P2RX1: variants seen among roughly 807,000 people sequenced by gnomAD.
The protein encoded by P2RX1 is P2X purinoceptor 1.
In P2RX1, 42 loss-of-function variants were observed where a neutral mutation model predicts 50.3. That is an observed-to-expected ratio of 0.83 (90% CI 0.65 to 1.08). The LOEUF is 1.08. Among genes scored for constraint, P2RX1 ranks in the 50% least tolerant of loss-of-function variants. P2RX1 has a pLI of 0.00. For synonymous variants in P2RX1, 199 were observed against 202.6 expected, an observed-to-expected ratio of 0.98 and a Z score of 0.15; for missense variants, 449 against 529.0, an observed-to-expected ratio of 0.85 and a Z score of 1.48.
rs1038669042 is a variant in P2RX1 at position 3,914,375 on chromosome 17, G to A, written c.137+1714C>T. 6.6e-6 allele frequency among the ~76,000 whole-genome samples: 1 copy of A among 152,078 alleles called. No homozygotes were observed. The highest frequency in any genetic ancestry group is 1.9e-4 in the East Asian group (1 of 5,190). On this transcript the variant is annotated intron_variant, in intron 1 of 11. Transcript: ENST00000225538. This position sits in a 1 kb window ranked among gnomAD's most constrained non-coding sequence, Gnocchi z 4.1. ...GACGGTAGTGAGGTCCCCGTCACTG[G>A]AGGTATAGGTTCCCGGCTGGGCAGC...
chr17:3,914,014 C>T lies in P2RX1; in HGVS notation c.137+2075G>A, dbSNP rs186378493. Among the ~76,000 whole-genome samples the T allele has an allele frequency of 5.6e-4, 85 of 152,202 alleles. No individual in the cohort carries two copies. Among genetic ancestry groups the T allele is most frequent in the Non-Finnish European group, 6.6e-4 (45 of 68,004 alleles). The stretch of plus-strand genomic sequence containing the variant: ...AGTGCAGTACTGAGCAGTGGCCAGA[C>T]GAGGGCGCAAGAGACAGCAGGCACC... On this transcript the variant is annotated intron_variant, in intron 1 of 11. Transcript: ENST00000225538. This position sits in a 1 kb window ranked among gnomAD's most constrained non-coding sequence, Gnocchi z 4.1.
Position 3,904,332 on chromosome 17 carries a change from T to TGGGCCTTGC in P2RX1, c.424_425insGCAAGGCCC (p.Arg139_Ala141dup). On this transcript the variant is annotated inframe_insertion, in exon 4 of 12. Transcript: ENST00000225538. ...GGACAGGAGGAGGCTGACCTTACCT[T>TGGGCCTTGC]GGGCCTTCCTCTTGGCCTTCCCAGG... is the stretch of plus-strand genomic sequence containing the variant. The TGGGCCTTGC allele has an allele frequency of 5.6e-6, 9 of 1,613,820 alleles. No individual in the cohort carries two copies. Among genetic ancestry groups the TGGGCCTTGC allele is most frequent in the Non-Finnish European group, 7.6e-6 (9 of 1,179,778 alleles).
chr17:3,913,899 G>A (rs2056405985), intron 1 of P2RX1, among the ~76,000 whole-genome samples: 1 of 152,188 alleles, frequency 6.6e-6, no homozygotes, highest in South Asian at 2.1e-4. Context: ...CCCACGGGCC[G>A]GTTAGGAAGC....
chr17:3,908,581 A>G (rs141053014), intron 1 of P2RX1, among the ~76,000 whole-genome samples: 1 of 152,246 alleles, frequency 6.6e-6, no homozygotes, highest in East Asian at 1.9e-4. Context: ...AAAAATAATA[A>G]TAGAATGACT....
intron 1 of P2RX1, among the ~76,000 whole-genome samples, chr17:3,912,471 C>A (rs1447031495): frequency 6.6e-6 from 1 of 152,158 alleles, no homozygotes; most frequent in Non-Finnish European, 1.5e-5. Flanking sequence ...GCTGGGATTA[C>A]AGGCGTGCGC....
chr17:3,913,507 C>CG (rs2056398882), intron 1 of P2RX1, among the ~76,000 whole-genome samples: 1 of 152,238 alleles, frequency 6.6e-6, no homozygotes, highest in Non-Finnish European at 1.5e-5. Context: ...ACTGCCTGCA[C>CG]TTGCCCAGGA....
At chr17:3,904,480 C>T (rs1953324698) in intron 3 of P2RX1, 81 bp from the exon 4 acceptor site, 5 of 1,248,270 alleles carry the variant, frequency 4.0e-6, no homozygotes, top group African/African-American at 1.5e-5. Flanking sequence ...CCCCAGGGCC[C>T]TAGGGAGAGC....
At chr17:3,900,985 G>C (rs958232300) in intron 7 of P2RX1, among the ~76,000 whole-genome samples, 4 of 152,224 alleles carry the variant, frequency 2.6e-5, no homozygotes, top group African/African-American at 9.6e-5. Flanking sequence ...GCTGGAAGGT[G>C]GTCAGAGAAG....
At chr17:3,904,224 G>T in intron 4 of P2RX1, 106 bp downstream of exon 4, 1 of 1,211,070 alleles carries the variant, frequency 8.3e-7, no homozygotes. Context: ...AGGCCGCCTC[G>T]GCGGGAGGGG....
At position 3,913,789 on chromosome 17, in the gene P2RX1, T is replaced by C. The variant is rs369270712; in HGVS notation, c.137+2300A>G. Among the ~76,000 whole-genome samples the C allele has an allele frequency of 3.4e-4, 52 of 152,294 alleles. 4 individuals carry two copies. The East Asian group carries it at 5.8e-3, about 17-fold the overall frequency. On this transcript the variant is annotated intron_variant, in intron 1 of 11. Coordinates refer to ENST00000225538, the MANE Select transcript of P2RX1 (RefSeq NM_002558.4). ...CATGCTCCTTTCCATCCCCTGGCAG[T>C]GCCCACAGGATCAGACATGAAAGCA...
In P2RX1 at chr17:3,916,091, G is replaced by A. The variant is rs778913132; in HGVS notation, c.135C>T (p.Ile45=). ...LIQLVVLVYV[I]GWVFLYEKGY... ...CAGCGGGAGGCGCCCGGACTCACCC[G>A]ATGACGTAGACCAGGACCACCAGCT... The change falls in exon 1 of 12, where the codon ATC becomes ATT. Residue 45 remains isoleucine, a splice_region_variant and synonymous_variant. Coordinates refer to ENST00000225538, the MANE Select transcript of P2RX1 (RefSeq NM_002558.4). The A allele has an allele frequency of 1.2e-6, 2 of 1,613,436 alleles. No homozygotes were observed. Among genetic ancestry groups the A allele is most frequent in the East Asian group, 2.2e-5 (1 of 44,876 alleles).
chr17:3,901,057 G>A (rs1294500377), intron 7 of P2RX1, among the ~76,000 whole-genome samples: 7 of 152,082 alleles, frequency 4.6e-5, no homozygotes, highest in Admixed American at 1.3e-4. Context: ...AGTTGAAGAT[G>A]GCAGGGAGAT....
In P2RX1 at chr17:3,903,845, G is replaced by A. The variant is rs890848890; in HGVS notation, c.524+83C>T. The A allele has an allele frequency of 1.9e-5, 24 of 1,271,782 alleles. No individual in the cohort carries two copies. The African/African-American group carries it at 3.5e-4, about 19-fold the overall frequency. The allele number at this position is 1,271,782 out of a possible 1,614,324, so 78.8% of individuals were successfully genotyped here. A position where few individuals can be genotyped will look rare whatever the true frequency, so the allele number is the denominator to read the frequency against. On this transcript the variant is annotated intron_variant, in intron 5 of 11. Transcript: ENST00000225538. This position sits in a 1 kb window ranked among gnomAD's most constrained non-coding sequence, Gnocchi z 4.6. ...GGGTGAGGGTGGGGTCAGAAAAAGG[G>A]GTAAAGATCCTTTCTAGACCTAGGC...
At position 3,898,505 on chromosome 17, in the gene P2RX1, A is replaced by G. The variant is rs776049821; in HGVS notation, c.1011T>C (p.Ser337=). Residue 337 remains serine (S), a synonymous_variant, in exon 10 of 12, where the codon TCT becomes TCC. Coordinates refer to ENST00000225538, the MANE Select transcript of P2RX1 (RefSeq NM_002558.4). ...DIIPTMTTIG[S]GIGIFGVATV... is the part of the protein sequence containing the mutation. ...TTACCACCCCAAAGATGCCAATTCC[A>G]GAGCCGATGGTGGTCATTGTAGGGA... 23 of 1,614,000 alleles carry G rather than the reference A, an allele frequency of 1.4e-5. No individual in the cohort carries two copies. The Admixed American group carries it at 3.3e-4, about 23-fold the overall frequency.
rs2056203848 is a variant in P2RX1, at chr17:3,903,872, C to T, written c.524+56G>A. The T allele has an allele frequency of 7.1e-7, 1 of 1,399,706 alleles. No individual in the cohort carries two copies. Among genetic ancestry groups the T allele is most frequent in the South Asian group, 1.2e-5 (1 of 86,756 alleles). 86.7% of individuals were successfully genotyped at this position (1,399,706 alleles called of 1,614,324 possible). A position where few individuals can be genotyped will look rare whatever the true frequency, so the allele number is the denominator to read the frequency against. On this transcript the variant is annotated intron_variant, in intron 5 of 11. Coordinates refer to ENST00000225538, the MANE Select transcript of P2RX1 (RefSeq NM_002558.4). This position sits in a 1 kb window ranked among gnomAD's most constrained non-coding sequence, Gnocchi z 4.6. ...TAAAGATCCTTTCTAGACCTAGGCC[C>T]CCCTCTGTCTGGCCTGGGACCCTGT...
At chr17:3,905,017 C>T in intron 2 of P2RX1, 88 bp from the exon 3 acceptor site, 1 of 1,174,818 alleles carries the variant, frequency 8.5e-7, no homozygotes, top group Non-Finnish European at 1.2e-6. Flanking sequence ...AGCAGAGGCC[C>T]CTAGAGCCCA....
chr17:3,908,416 C>A (rs572188374), intron 1 of P2RX1, among the ~76,000 whole-genome samples: 1 of 152,100 alleles, frequency 6.6e-6, no homozygotes, highest in Non-Finnish European at 1.5e-5. Flanking sequence ...CAAAAACTAG[C>A]CGGGCATGGT....
At chr17:3,911,393 AC>A (rs1471847595) in intron 1 of P2RX1, among the ~76,000 whole-genome samples, 4 of 152,024 alleles carry the variant, frequency 2.6e-5, no homozygotes, top group Non-Finnish European at 5.9e-5. Context: ...TTCTCTTGAG[AC>A]GTCGGAAGCT....
At chr17:3,909,094 G>A (rs56107789) in intron 1 of P2RX1, among the ~76,000 whole-genome samples, 41,036 of 151,816 alleles carry the variant, frequency 0.27, 6,556 homozygotes, top group East Asian at 0.47. Flanking sequence ...GCGGTGGCAC[G>A]ATCTTGGCTC....
Sources: gnomAD v4.1 joint callset for allele counts (sites outside exome capture counted in the v4.1 genomes callset) on GRCh38, gnomAD v4.1.1 for gene constraint, Gnocchi (gnomAD v3.1) non-coding constraint, MANE v1.5 for transcripts, NCBI Gene and HGNC (gene_info 2026-07-23, HGNC 2026-07-21) for gene names.